The following L2HGDH variants were observed in gnomAD, a reference collection of about 807,000 sequenced individuals.
L2HGDH encodes L-2-hydroxyglutarate dehydrogenase.
Under a neutral mutation model 51.5 loss-of-function variants are expected in L2HGDH, and 34 were observed. That is an observed-to-expected ratio of 0.66 (90% CI 0.50 to 0.88). The LOEUF (loss-of-function observed/expected upper bound fraction) is 0.88. L2HGDH is among the 40% of genes least tolerant of loss of function. L2HGDH has a pLI of 0.00. For missense variants in L2HGDH, 558 were observed against 571.9 expected, an observed-to-expected ratio of 0.98 and a Z score of 0.25; for synonymous variants, 198 against 197.9, an observed-to-expected ratio of 1.00 and a Z score of -0.01.
At chr14:50,304,859 G>A (rs377328766) in intron 1 of L2HGDH, among the ~76,000 whole-genome samples, 1 of 152,078 alleles carries the variant, frequency 6.6e-6, no homozygotes, top group South Asian at 2.1e-4. Context: ...GAACAACCAT[G>A]TATAATTTAT....
At chr14:50,271,557 T>G (rs1433250905) in intron 6 of L2HGDH, among the ~76,000 whole-genome samples, 1 of 152,210 alleles carries the variant, frequency 6.6e-6, no homozygotes, top group African/African-American at 2.4e-5. Context: ...AAATTTCTTT[T>G]AGGCTTGGCA....
chr14:50,254,365 TATACCACATAGAACACAA>T (rs1888535095), intron 9 of L2HGDH, among the ~76,000 whole-genome samples: 1 of 151,970 alleles, frequency 6.6e-6, no homozygotes, highest in Non-Finnish European at 1.5e-5. Context: ...AAGAATCAGA[TATACCACATAGAACACAA>T]AAAGAAGGGA....
At chr14:50,309,070 T>C (rs187461427) in intron 1 of L2HGDH, among the ~76,000 whole-genome samples, 10 of 152,362 alleles carry the variant, frequency 6.6e-5, no homozygotes, top group African/African-American at 2.2e-4. Context: ...TTGGGAGATA[T>C]GCAGTTGCTG....
chr14:50,248,229 C>G (rs1046702484), intron 9 of L2HGDH, among the ~76,000 whole-genome samples: 1 of 152,156 alleles, frequency 6.6e-6, no homozygotes, highest in Admixed American at 6.5e-5. Context: ...AAAAGCACCT[C>G]TTATGAAACT....
rs1388218620 is a variant in L2HGDH at position 50,243,658 on chromosome 14, G to T, written c.*3400C>A. On this transcript the variant is annotated 3_prime_UTR_variant, in exon 10 of 10. Transcript: ENST00000267436. ...AAATTTTTCATTTTTATTTTTCAGG[G>T]TATTTTATATATATATATATATATA... 8 of 197,256 alleles carry T rather than the reference G, an allele frequency of 4.1e-5. No individual in the cohort carries two copies. In the South Asian group the frequency reaches 1.5e-3, roughly 36 times the overall value. The allele number at this position is 197,256 out of a possible 1,614,324, so 12.2% of individuals were successfully genotyped here.
At position 50,298,376 on chromosome 14, in the gene L2HGDH, C is replaced by T. The variant is rs562201747; in HGVS notation, c.408+3641G>A. On this transcript the variant is annotated intron_variant, in intron 3 of 9. Transcript: ENST00000267436. Reference sequence around the variant, plus strand: ...TGTTGCCCAGGCTGGAGTGCAATGGCGCGATCTCAGCTCACTACAACCTCT... The same window carrying T: ...TGTTGCCCAGGCTGGAGTGCAATGGTGCGATCTCAGCTCACTACAACCTCT... 2.5e-3 allele frequency among the ~76,000 whole-genome samples: 377 copies of T among 151,600 alleles called. 2 individuals carry two copies. In the Middle Eastern group the frequency reaches 0.061, roughly 25 times the overall value.
At chr14:50,253,686 T>G (rs780213500) in intron 9 of L2HGDH, among the ~76,000 whole-genome samples, 7 of 152,140 alleles carry the variant, frequency 4.6e-5, no homozygotes, top group African/African-American at 9.7e-5. Flanking sequence ...GCTGGATATA[T>G]ACCCAAAAGA....
intron 6 of L2HGDH, among the ~76,000 whole-genome samples, chr14:50,269,654 C>A (rs1236734284): frequency 6.6e-6 from 1 of 152,098 alleles, no homozygotes; most frequent in East Asian, 1.9e-4. Flanking sequence ...TTTATTAGGA[C>A]CTAGCAGGGA....
At chr14:50,276,962 C>T (rs955425967) in intron 6 of L2HGDH, among the ~76,000 whole-genome samples, 2 of 152,188 alleles carry the variant, frequency 1.3e-5, no homozygotes, top group Admixed American at 1.3e-4. Context: ...CCCACCAAAT[C>T]CCAGTAGCTG....
intron 1 of L2HGDH, among the ~76,000 whole-genome samples, chr14:50,303,803 G>T (rs1557010): frequency 0.58 from 72,803 of 125,542 alleles, 20,798 homozygotes; most frequent in East Asian, 0.66. Context: ...AAAAAAGTTA[G>T]ACGCATTAAA....
chr14:50,283,721 T>C (rs1192855094), intron 5 of L2HGDH, 150 bp downstream of exon 5: 2 of 634,920 alleles, frequency 3.1e-6, no homozygotes, highest in Non-Finnish European at 5.3e-6. Context: ...ATACTATCTT[T>C]TTTATTTGTA....
At chr14:50,283,641 C>G (rs1257915035) in intron 5 of L2HGDH, among the ~76,000 whole-genome samples, 2 of 152,176 alleles carry the variant, frequency 1.3e-5, no homozygotes, top group Non-Finnish European at 2.9e-5. Flanking sequence ...TATGCACATA[C>G]GCTGGATATT....
At chr14:50,265,517 G>T in intron 8 of L2HGDH, 28 bp from the exon 9 acceptor site, 1 of 1,590,654 alleles carries the variant, frequency 6.3e-7, no homozygotes, top group Non-Finnish European at 8.6e-7. Flanking sequence ...AAATCTTTAT[G>T]AGAGAAAGGA....
rs1555326240 is a variant in L2HGDH at position 50,243,687 on chromosome 14, T to TATA, written c.*3370_*3371insTAT. 9 of 195,364 alleles carry TATA rather than the reference T, an allele frequency of 4.6e-5. No homozygotes were observed. The highest frequency in any genetic ancestry group is 4.0e-4 in the South Asian group (2 of 4,998). The allele number at this position is 195,364 out of a possible 1,614,324, so 12.1% of individuals were successfully genotyped here. ...TTTATATATATATATATATATATATTGTTTATTATTATACTTTAAGTTTTA... is the reference window on the plus strand; with the variant it reads ...TTTATATATATATATATATATATATTATAGTTTATTATTATACTTTAAGTTTTA... On this transcript the variant is annotated 3_prime_UTR_variant, in exon 10 of 10. Coordinates refer to ENST00000267436, the MANE Select transcript of L2HGDH (RefSeq NM_024884.3).
intron 4 of L2HGDH, among the ~76,000 whole-genome samples, chr14:50,292,098 AAATAT>A (rs149022072): frequency 0.097 from 14,817 of 152,168 alleles, 736 homozygotes; most frequent in Non-Finnish European, 0.12. Context: ...TGTAGATAAT[AAATAT>A]AAGAGACATG....
intron 4 of L2HGDH, among the ~76,000 whole-genome samples, chr14:50,287,622 G>C (rs1375824779): frequency 6.7e-6 from 1 of 148,484 alleles, no homozygotes; most frequent in Admixed American, 6.7e-5. Context: ...GCACATCAAT[G>C]AAAGTTTTTT....
chr14:50,277,832 G>A, intron 6 of L2HGDH, among the ~76,000 whole-genome samples: 1 of 150,200 alleles, frequency 6.7e-6, no homozygotes, highest in Non-Finnish European at 1.5e-5. Flanking sequence ...TAATAATCTG[G>A]TGGCAGAAGT....
In L2HGDH at chr14:50,243,943, T is replaced by C. The variant is rs1281457195; in HGVS notation, c.*3115A>G. ...TGAGAACATGCGGTGTTTGGTTTTT[T>C]GTTCTTGCGATAGTTTACTGAGAAT... is the stretch of plus-strand genomic sequence containing the variant. On this transcript the variant is annotated 3_prime_UTR_variant, in exon 10 of 10. Transcript: ENST00000267436. The C allele has an allele frequency of 4.0e-5, 6 of 149,542 alleles. No individual in the cohort carries two copies. The highest frequency in any genetic ancestry group is 8.9e-5 in the Non-Finnish European group (6 of 67,538). 9.3% of individuals were successfully genotyped at this position (149,542 alleles called of 1,614,324 possible).
At chr14:50,283,762 G>GT (rs1015467709) in intron 5 of L2HGDH, 109 bp downstream of exon 5, 220 of 888,704 alleles carry the variant, frequency 2.5e-4, no homozygotes, top group African/African-American at 2.5e-4. Context: ...ATTTTTTATT[G>GT]TTTTTTTTCC....
Sources: allele counts gnomAD v4.1 joint callset (sites outside exome capture counted in the v4.1 genomes callset), GRCh38; gene constraint gnomAD v4.1.1; transcripts MANE v1.5; gene names NCBI Gene and HGNC (gene_info 2026-07-23, HGNC 2026-07-21).